Variants in ANKRD11 observed in about 807,000 individuals in gnomAD.
The protein encoded by ANKRD11 is ankyrin repeat domain-containing protein 11.
Under a neutral mutation model 195.7 loss-of-function variants are expected in ANKRD11, and 17 were observed. The observed-to-expected ratio is 0.09, with a 90% CI of 0.06 to 0.13. ANKRD11 has a LOEUF of 0.13. Among genes scored for constraint, ANKRD11 ranks in the 10% least tolerant of loss-of-function variants. ANKRD11 has a pLI of 1.00. For missense variants in ANKRD11, 3,735 were observed against 3,566.1 expected (o/e 1.05, Z -1.21); for synonymous variants, 1,953 against 1,528.1 (o/e 1.28, Z -6.49).
chr16:89,445,994 T>A (rs867878344), intron 1 of ANKRD11, among the ~76,000 whole-genome samples: 19,729 of 146,244 alleles, frequency 0.13, 1,772 homozygotes, highest in Non-Finnish European at 0.2. Flanking sequence ...AAAAAAAAAT[T>A]TTTTGTTAAA....
At chr16:89,295,984 C>CTTTTTT (rs1567600671) in intron 4 of ANKRD11, among the ~76,000 whole-genome samples, 2 of 18,230 alleles carry the variant, frequency 1.1e-4, no homozygotes, top group African/African-American at 3.3e-4. Context: ...TATCTGGCTG[C>CTTTTTT]CTTTTTTTTT....
chr16:89,335,335 G>A (rs558632125), intron 2 of ANKRD11, among the ~76,000 whole-genome samples: 1 of 152,202 alleles, frequency 6.6e-6, no homozygotes, highest in Non-Finnish European at 1.5e-5. Context: ...GTTCCTTCCA[G>A]CACAGGAACA....
chr16:89,289,011 G>C, intron 6 of ANKRD11: 1 of 395,274 alleles, frequency 2.5e-6, no homozygotes, highest in Non-Finnish European at 4.7e-6. Context: ...GGAGGCGTAT[G>C]TGCCTTTGCA....
rs1167237934 is a variant in ANKRD11, at chr16:89,280,300, G to A, written c.6242C>T (p.Pro2081Leu). 6.3e-7 allele frequency: 1 copy of A among 1,597,670 alleles called. No homozygotes were observed. The highest frequency in any genetic ancestry group is 1.7e-5 in the Admixed American group (1 of 58,452). The change falls in exon 9 of 13, where the codon CCC (proline) becomes CTC (leucine). Residue 2081 changes from proline to leucine, a missense_variant. Transcript: ENST00000301030. Reference protein sequence around the residue: ...SLPEAPLDVAPEPACVAAVAQ... With the variant: ...SLPEAPLDVALEPACVAAVAQ... ...CACAGCGGCTACACAGGCGGGCTCG[G>A]GGGCCACGTCCAGCGGGGCTTCCGG... is the stretch of plus-strand genomic sequence containing the variant.
chr16:89,309,381 G>C (rs1242516362), intron 3 of ANKRD11, among the ~76,000 whole-genome samples: 1 of 152,162 alleles, frequency 6.6e-6, no homozygotes, highest in Non-Finnish European at 1.5e-5. Flanking sequence ...TTTTCGAATG[G>C]GGAACATTAC....
At chr16:89,410,772 T>C (rs1334337217) in intron 2 of ANKRD11, among the ~76,000 whole-genome samples, 1 of 152,266 alleles carries the variant, frequency 6.6e-6, no homozygotes, top group Non-Finnish European at 1.5e-5. Flanking sequence ...TTTCCCTTAT[T>C]TTCCCATGCC....
intron 1 of ANKRD11, among the ~76,000 whole-genome samples, chr16:89,461,044 A>AC (rs1443697035): frequency 2.1e-4 from 21 of 99,470 alleles, no homozygotes; most frequent in African/African-American, 3.2e-4. Flanking sequence ...TCGTATGACC[A>AC]CCCCCCCGCA....
intron 3 of ANKRD11, among the ~76,000 whole-genome samples, chr16:89,312,215 A>C (rs940640624): frequency 6.6e-6 from 1 of 152,216 alleles, no homozygotes; most frequent in Non-Finnish European, 1.5e-5. Flanking sequence ...TCCACTTCTT[A>C]AACGTGATGT....
Position 89,268,679 on chromosome 16 carries a change from C to CGGGGAGAGGAGGGAGGA in ANKRD11, c.7807-33_7807-17dup. 1 of 1,576,150 alleles carries CGGGGAGAGGAGGGAGGA rather than the reference C, an allele frequency of 6.3e-7. No homozygotes were observed. The highest frequency in any genetic ancestry group is 1.2e-5 in the South Asian group (1 of 86,362). On this transcript the variant is annotated splice_polypyrimidine_tract_variant and intron_variant, in intron 12 of 12. Transcript: ENST00000301030. The stretch of plus-strand genomic sequence containing the variant: ...GGAGGCAAGTCTGCGGGACACACAG[C>CGGGGAGAGGAGGGAGGA]GGGGAGAGGAGGGAGGAGGAGTGAA...
intron 2 of ANKRD11, among the ~76,000 whole-genome samples, chr16:89,349,097 T>C (rs3114889): frequency 0.56 from 70,627 of 125,630 alleles, 18,936 homozygotes; most frequent in Middle Eastern, 0.68. Flanking sequence ...CACTGCACTC[T>C]AGCCTGGGGG....
chr16:89,315,526 T>TCA (rs144832856), intron 3 of ANKRD11, among the ~76,000 whole-genome samples: 5,172 of 152,284 alleles, frequency 0.034, 310 homozygotes, highest in African/African-American at 0.12. Flanking sequence ...TCCGTAGGCT[T>TCA]CACACACACG....
intron 1 of ANKRD11, among the ~76,000 whole-genome samples, chr16:89,481,118 T>C (rs1049272303): frequency 3.9e-5 from 6 of 152,192 alleles, no homozygotes; most frequent in Non-Finnish European, 5.9e-5. Context: ...TAACTAATGT[T>C]TGCCCCATTC....
chr16:89,378,120 CG>C (rs1395321068), intron 2 of ANKRD11, among the ~76,000 whole-genome samples: 1 of 152,036 alleles, frequency 6.6e-6, no homozygotes, highest in Non-Finnish European at 1.5e-5. Flanking sequence ...GAGGCCGAGG[CG>C]GAAGGATCAC....
At chr16:89,350,089 A>C (rs866010257) in intron 2 of ANKRD11, among the ~76,000 whole-genome samples, 1 of 152,344 alleles carries the variant, frequency 6.6e-6, no homozygotes, top group African/African-American at 2.4e-5. Context: ...AAAAAGCCAC[A>C]TGAAAAGACA....
intron 1 of ANKRD11, among the ~76,000 whole-genome samples, chr16:89,483,315 T>C (rs918511853): frequency 6.6e-6 from 1 of 152,244 alleles, no homozygotes; most frequent in African/African-American, 2.4e-5. Context: ...CATCTTCTTT[T>C]AAAAGCCAGT....
intron 1 of ANKRD11, among the ~76,000 whole-genome samples, chr16:89,480,089 C>G (rs190292955): frequency 6.6e-6 from 1 of 150,614 alleles, no homozygotes; most frequent in East Asian, 2.0e-4. Flanking sequence ...CCAGCCTGGG[C>G]AACAGAGCAA....
rs540254595 is a variant in ANKRD11 at position 89,477,063 on chromosome 16, A to G, written c.-145+13182T>C. On this transcript the variant is annotated intron_variant, in intron 1 of 12. Transcript: ENST00000301030. ...AAGCAGACGGAGTAAGAAACAGAGAAAAAGGTTCTCCTTTGGTCTTGTCTT... is the reference window on the plus strand; with the variant it reads ...AAGCAGACGGAGTAAGAAACAGAGAGAAAGGTTCTCCTTTGGTCTTGTCTT... 2.6e-5 allele frequency among the ~76,000 whole-genome samples: 4 copies of G among 152,338 alleles called. No individual in the cohort carries two copies. In the South Asian group the frequency reaches 8.3e-4, roughly 32 times the overall value.
intron 2 of ANKRD11, among the ~76,000 whole-genome samples, chr16:89,332,746 G>A (rs918525631): frequency 1.3e-5 from 2 of 152,194 alleles, no homozygotes; most frequent in Non-Finnish European, 2.9e-5. Context: ...AAAGTGCCCC[G>A]CTGCCCTGAC....
chr16:89,376,146 G>T (rs1182036935), intron 2 of ANKRD11, among the ~76,000 whole-genome samples: 1 of 152,170 alleles, frequency 6.6e-6, no homozygotes, highest in Non-Finnish European at 1.5e-5. Context: ...AAACAGCACG[G>T]ATATATGAAA....
Sources: gnomAD v4.1 joint callset for allele counts (sites outside exome capture counted in the v4.1 genomes callset) on GRCh38, gnomAD v4.1.1 for gene constraint, MANE v1.5 for transcripts, NCBI Gene and HGNC (gene_info 2026-07-23, HGNC 2026-07-21) for gene names.